The following FOXP1 variants were observed in gnomAD, a reference collection of about 807,000 sequenced individuals.
FOXP1 encodes the protein forkhead box protein P1.
FOXP1 carries 15 observed loss-of-function variants against 98.2 expected under a neutral mutation model. The ratio of observed to expected loss-of-function variants is 0.15; its 90% CI spans 0.10 to 0.24. The LOEUF is 0.24. FOXP1 is among the 10% of genes least tolerant of loss of function. The pLI, the probability that FOXP1 is intolerant of heterozygous loss-of-function variation, is 1.00. For missense variants in FOXP1, 633 were observed against 848.5 expected (o/e 0.75, Z 3.15); for synonymous variants, 371 against 314.5 (o/e 1.18, Z -1.90).
intron 12 of FOXP1, among the ~76,000 whole-genome samples, chr3:71,001,647 T>C (rs1398579550): frequency 2.0e-5 from 3 of 152,120 alleles, no homozygotes; most frequent in African/African-American, 7.2e-5. Context: ...TCTGCCTGGG[T>C]TCTTGATTGT....
intron 12 of FOXP1, among the ~76,000 whole-genome samples, chr3:71,014,614 C>T (rs182603503): frequency 6.6e-6 from 1 of 152,252 alleles, no homozygotes; most frequent in African/African-American, 2.4e-5. Flanking sequence ...ACTAGAAATA[C>T]CATTTGACCC....
Position 70,958,265 on chromosome 3 carries a change from T to C in FOXP1, c.*982A>G. 1 of 529,184 alleles carries C rather than the reference T, an allele frequency of 1.9e-6. No individual in the cohort carries two copies. 32.8% of individuals were successfully genotyped at this position (529,184 alleles called of 1,614,324 possible). ...CACCCCTCCCCCGAACCACCCCCAA[T>C]ACTGCTGCGTGGAATGAATCGGCAT... is the stretch of plus-strand genomic sequence containing the variant. On this transcript the variant is annotated 3_prime_UTR_variant, in exon 21 of 21. Coordinates refer to ENST00000649528, the MANE Select transcript of FOXP1 (RefSeq NM_001349338.3).
chr3:70,996,688 C>A (rs1003454280), intron 13 of FOXP1, among the ~76,000 whole-genome samples: 1 of 152,124 alleles, frequency 6.6e-6, no homozygotes, highest in African/African-American at 2.4e-5. Flanking sequence ...AGCTACTGTG[C>A]CCTCTGAATT....
chr3:71,316,007 G>A (rs1291354753), intron 4 of FOXP1, among the ~76,000 whole-genome samples: 2 of 152,144 alleles, frequency 1.3e-5, no homozygotes, highest in South Asian at 2.1e-4. Flanking sequence ...CCACACTTCC[G>A]TTAAGAGGCA....
chr3:71,374,127 T>C (rs1236708697), intron 3 of FOXP1, among the ~76,000 whole-genome samples: 1 of 152,190 alleles, frequency 6.6e-6, no homozygotes, highest in Admixed American at 6.5e-5. Context: ...AAAAAACGTA[T>C]GGAATGAATG....
chr3:71,521,919 C>G (rs2043022639), intron 2 of FOXP1, among the ~76,000 whole-genome samples: 1 of 152,140 alleles, frequency 6.6e-6, no homozygotes, highest in Non-Finnish European at 1.5e-5. Context: ...CCCAAGAAAC[C>G]TCGGCCTTGG....
chr3:71,534,210 A>T (rs1434571288), intron 2 of FOXP1, among the ~76,000 whole-genome samples: 5 of 152,202 alleles, frequency 3.3e-5, no homozygotes, highest in Non-Finnish European at 7.3e-5. Context: ...CTAAAAATAC[A>T]AAATTAGCCA....
chr3:71,085,166 G>A (rs1237018451), intron 7 of FOXP1, among the ~76,000 whole-genome samples: 1 of 151,344 alleles, frequency 6.6e-6, no homozygotes, highest in Non-Finnish European at 1.5e-5. Context: ...TTTCTGAGAC[G>A]AGGTCTCACT....
intron 13 of FOXP1, among the ~76,000 whole-genome samples, chr3:70,989,633 A>C (rs749630863): frequency 5.9e-5 from 9 of 152,188 alleles, no homozygotes; most frequent in African/African-American, 4.8e-5. Context: ...TCAAATACTC[A>C]GACTTTTTAA....
At chr3:71,277,460 C>T (rs574524671) in intron 5 of FOXP1, among the ~76,000 whole-genome samples, 1 of 152,166 alleles carries the variant, frequency 6.6e-6, no homozygotes, top group African/African-American at 2.4e-5. Context: ...ATTCATGCAT[C>T]GCTGGACAGT....
chr3:71,442,165 T>C (rs2085998625), intron 3 of FOXP1, among the ~76,000 whole-genome samples: 2 of 152,158 alleles, frequency 1.3e-5, no homozygotes, highest in Admixed American at 6.5e-5. Flanking sequence ...AGCTTGACCA[T>C]ATATGTCCCA....
At chr3:71,046,002 A>AC (rs2048986228) in intron 10 of FOXP1, among the ~76,000 whole-genome samples, 1 of 152,140 alleles carries the variant, frequency 6.6e-6, no homozygotes, top group African/African-American at 2.4e-5. Flanking sequence ...AATCTGCCCT[A>AC]CCATGCATAG....
intron 7 of FOXP1, among the ~76,000 whole-genome samples, chr3:71,086,374 T>C (rs2055094968): frequency 6.6e-6 from 1 of 152,244 alleles, no homozygotes; most frequent in Non-Finnish European, 1.5e-5. Context: ...TAAGGAAATC[T>C]GTGAGCATCC....
intron 11 of FOXP1, among the ~76,000 whole-genome samples, chr3:71,027,056 GA>G (rs1162249060): frequency 6.6e-6 from 1 of 152,168 alleles, no homozygotes; most frequent in African/African-American, 2.4e-5. Context: ...ATCTCGTTAA[GA>G]AAACAGAATG....
intron 6 of FOXP1, among the ~76,000 whole-genome samples, chr3:71,160,482 T>C (rs1019011899): frequency 3.9e-5 from 6 of 152,204 alleles, no homozygotes; most frequent in African/African-American, 1.4e-4. Context: ...GAAAATCAAG[T>C]GATAAACCAC....
chr3:71,006,678 A>T (rs1396579442), intron 12 of FOXP1, among the ~76,000 whole-genome samples: 1 of 152,182 alleles, frequency 6.6e-6, no homozygotes, highest in Non-Finnish European at 1.5e-5. Flanking sequence ...ACATGCCGGA[A>T]ATGATCACAT....
intron 3 of FOXP1, among the ~76,000 whole-genome samples, chr3:71,480,684 G>A (rs940423741): frequency 1.3e-5 from 2 of 152,184 alleles, no homozygotes; most frequent in Non-Finnish European, 2.9e-5. Flanking sequence ...TTAGCCTGGA[G>A]TGGGCTCAAG....
At chr3:71,333,234 C>A (rs2076453090) in intron 4 of FOXP1, 3 of 152,192 alleles carry the variant, frequency 2.0e-5, no homozygotes, top group Admixed American at 2.0e-4. Context: ...TTTTAGAAAG[C>A]ATGCCAGTAG....
intron 6 of FOXP1, among the ~76,000 whole-genome samples, chr3:71,145,067 G>A (rs1337822979): frequency 2.6e-5 from 4 of 152,212 alleles, no homozygotes; most frequent in South Asian, 2.1e-4. Flanking sequence ...GTCTGCTTAC[G>A]CACATGCCCA....
Sources: allele counts gnomAD v4.1 joint callset (sites outside exome capture counted in the v4.1 genomes callset), GRCh38; gene constraint gnomAD v4.1.1; transcripts MANE v1.5; gene names NCBI Gene and HGNC (gene_info 2026-07-23, HGNC 2026-07-21).